PVT1: variants seen among roughly 807,000 people sequenced by gnomAD.
PVT1 encodes the protein CXCR4/PVT1 fusion.
intron 2 of PVT1, among the ~76,000 whole-genome samples, chr8:127,882,553 G>A (rs1815480303): frequency 1.3e-5 from 2 of 151,494 alleles, no homozygotes; most frequent in South Asian, 2.1e-4. Flanking sequence ...GCACAATCTC[G>A]GCTCACTGCA....
chr8:127,934,682 A>C (rs1348178902), intron 3 of PVT1, among the ~76,000 whole-genome samples: 1 of 151,562 alleles, frequency 6.6e-6, no homozygotes, highest in African/African-American at 2.4e-5. Flanking sequence ...TGTTCCCTTC[A>C]TAGATTTCTA....
intron 4 of PVT1, among the ~76,000 whole-genome samples, chr8:128,068,144 C>T (rs983434403): frequency 1.2e-4 from 18 of 151,942 alleles, no homozygotes; most frequent in East Asian, 3.9e-4. Flanking sequence ...CCTCAGTGGA[C>T]GTGAGATTTT....
intron 3 of PVT1, among the ~76,000 whole-genome samples, chr8:127,981,229 A>AGAGAT (rs1200596312): frequency 2.6e-5 from 4 of 152,246 alleles, no homozygotes; most frequent in Non-Finnish European, 5.9e-5. Context: ...AAGGAGAACT[A>AGAGAT]GAGATTGCTT....
chr8:128,082,309 T>C (rs907227431), intron 5 of PVT1, among the ~76,000 whole-genome samples: 2 of 152,232 alleles, frequency 1.3e-5, no homozygotes, highest in African/African-American at 4.8e-5. Flanking sequence ...GCCACATGTG[T>C]GTCCATCCAT....
chr8:127,894,673 C>A (rs186938462), intron 3 of PVT1, among the ~76,000 whole-genome samples: 71 of 152,360 alleles, frequency 4.7e-4, no homozygotes, highest in African/African-American at 1.5e-3. Context: ...GCAGATGATA[C>A]TGCTTAGGAT....
At chr8:128,091,950 G>A (rs1434501291) in intron 5 of PVT1, among the ~76,000 whole-genome samples, 1 of 152,176 alleles carries the variant, frequency 6.6e-6, no homozygotes, top group Non-Finnish European at 1.5e-5. Flanking sequence ...GTCCTCATAA[G>A]ATTGTGAGGG....
exon 4 of PVT1, chr8:127,989,226 T>C (rs1318172480): frequency 6.6e-6 from 1 of 152,236 alleles, no homozygotes; most frequent in Non-Finnish European, 1.5e-5. Flanking sequence ...TTCAGCACTC[T>C]GGACGGACTT....
chr8:127,894,905 T>C (rs915229224), intron 3 of PVT1, among the ~76,000 whole-genome samples: 1 of 152,208 alleles, frequency 6.6e-6, no homozygotes, highest in African/African-American at 2.4e-5. Context: ...TGAAGATTCA[T>C]GATGAAGTGA....
chr8:127,859,881 C>G (rs942861880), intron 2 of PVT1, among the ~76,000 whole-genome samples: 2 of 151,888 alleles, frequency 1.3e-5, no homozygotes, highest in African/African-American at 4.8e-5. Flanking sequence ...TTCTTTGTCT[C>G]TACAAGCAGA....
chr8:128,017,776 C>T (rs1375082205), intron 4 of PVT1, among the ~76,000 whole-genome samples: 2 of 152,064 alleles, frequency 1.3e-5, no homozygotes. Context: ...GACCTGGACA[C>T]ACACAGCCTC....
intron 3 of PVT1, chr8:127,939,765 T>C (rs1447714053): frequency 6.6e-6 from 1 of 152,220 alleles, no homozygotes; most frequent in Non-Finnish European, 1.5e-5. Flanking sequence ...GGTCTGTACA[T>C]TTTCCACATA....
chr8:128,003,191 A>C (rs1586476571), intron 4 of PVT1, among the ~76,000 whole-genome samples: 8 of 111,450 alleles, frequency 7.2e-5, no homozygotes, highest in Admixed American at 3.1e-4. Flanking sequence ...ACAGGATTTC[A>C]CTGTGTTAGA....
chr8:127,828,992 T>G (rs1181092165), intron 2 of PVT1, among the ~76,000 whole-genome samples: 1 of 152,146 alleles, frequency 6.6e-6, no homozygotes, highest in Non-Finnish European at 1.5e-5. Flanking sequence ...GACTCTGTGA[T>G]GAGCAAAAAA....
intron 4 of PVT1, among the ~76,000 whole-genome samples, chr8:128,015,079 ATTTATTTATTTATTAT>A (rs1817356982): frequency 6.7e-6 from 1 of 149,342 alleles, no homozygotes; most frequent in African/African-American, 2.5e-5. Flanking sequence ...TTATTTATTT[ATTTATTTATTTATTAT>A]TTATTTATTT....
At chr8:128,011,905 C>T (rs543946699) in intron 4 of PVT1, among the ~76,000 whole-genome samples, 1 of 152,258 alleles carries the variant, frequency 6.6e-6, no homozygotes, top group African/African-American at 2.4e-5. Context: ...GATCTCATCA[C>T]TGGAGATATC....
At chr8:127,925,677 T>C (rs1006353218) in intron 3 of PVT1, among the ~76,000 whole-genome samples, 4 of 152,298 alleles carry the variant, frequency 2.6e-5, no homozygotes, top group Admixed American at 1.3e-4. Flanking sequence ...GTTTTACTTT[T>C]GTTGCCCAGG....
intron 2 of PVT1, among the ~76,000 whole-genome samples, chr8:127,812,117 A>AGAAAG (rs1346598018): frequency 6.8e-6 from 1 of 147,132 alleles, no homozygotes; most frequent in East Asian, 2.1e-4. Context: ...TCAAAAGAAA[A>AGAAAG]GAAAGGAAAA....
chr8:127,875,187 A>G (rs531430613), intron 2 of PVT1, among the ~76,000 whole-genome samples: 50 of 152,272 alleles, frequency 3.3e-4, no homozygotes, highest in African/African-American at 1.2e-3. Context: ...AAAGTTGCAC[A>G]TCGTCCCCTT....
intron 4 of PVT1, among the ~76,000 whole-genome samples, chr8:128,008,088 T>C (rs1175387036): frequency 1.3e-5 from 2 of 152,228 alleles, no homozygotes; most frequent in Non-Finnish European, 2.9e-5. Context: ...AAATTGGCCA[T>C]GTGACAATCG....
Sources: allele counts gnomAD v4.1 joint callset (sites outside exome capture counted in the v4.1 genomes callset), GRCh38; gene constraint gnomAD v4.1.1; transcripts MANE v1.5; gene names NCBI Gene and HGNC (gene_info 2026-07-23, HGNC 2026-07-21).